Variants in CNTN5 observed in about 807,000 individuals in gnomAD.
CNTN5 encodes the protein contactin-5.
A neutral mutation model predicts 129.1 loss-of-function variants in CNTN5; 77 were observed. That is an observed-to-expected ratio of 0.60 (90% CI 0.50 to 0.72). CNTN5 has a LOEUF of 0.72. Among genes scored for constraint, CNTN5 ranks in the 30% least tolerant of loss-of-function variants. CNTN5 has a pLI of 0.00. For synonymous variants in CNTN5, 509 were observed against 465.6 expected (o/e 1.09, Z -1.20); for missense variants, 1,478 against 1,328.8 (o/e 1.11, Z -1.75).
In CNTN5 at chr11:99,853,170, C is replaced by T. The variant is rs1030594329; in HGVS notation, c.577+7908C>T. Among the ~76,000 whole-genome samples, 5 of 152,080 alleles carry T rather than the reference C, an allele frequency of 3.3e-5. No individual in the cohort carries two copies. In the South Asian group the frequency reaches 6.2e-4, roughly 19 times the overall value. On this transcript the variant is annotated intron_variant, in intron 6 of 24. Coordinates refer to ENST00000524871, the MANE Select transcript of CNTN5 (RefSeq NM_014361.4). ...AGTCAGAACAGAATATGTAGTACCC[C>T]GGAGATCTTGCAGACTTAATTACAC...
At chr11:99,076,191 C>A (rs1232418747) in intron 1 of CNTN5, among the ~76,000 whole-genome samples, 1 of 151,972 alleles carries the variant, frequency 6.6e-6, no homozygotes, top group Admixed American at 6.6e-5. Flanking sequence ...GAAAATTAGC[C>A]TGTCATGGTG....
intron 3 of CNTN5, among the ~76,000 whole-genome samples, chr11:99,759,713 G>A (rs1944517132): frequency 6.6e-6 from 1 of 151,346 alleles, no homozygotes; most frequent in Admixed American, 6.6e-5. Flanking sequence ...GGGAGGGAAA[G>A]AGAGAAGGAG....
Position 99,547,497 on chromosome 11 carries a change from A to C in CNTN5, c.-70-8648A>C, listed in dbSNP as rs1294471314. Reference sequence around the variant, plus strand: ...TATGTAAAAGAGTTTTTAATAAATAATTTCAGGTGTGTATCTGTTTTATTA... The same window carrying C: ...TATGTAAAAGAGTTTTTAATAAATACTTTCAGGTGTGTATCTGTTTTATTA... On this transcript the variant is annotated intron_variant, in intron 2 of 24. Transcript: ENST00000524871. Among the ~76,000 whole-genome samples the C allele has an allele frequency of 3.3e-5, 5 of 152,266 alleles. No homozygotes were observed. In the East Asian group the frequency reaches 7.7e-4, roughly 24 times the overall value.
chr11:100,110,802 C>T (rs1945632053), intron 13 of CNTN5, among the ~76,000 whole-genome samples: 1 of 152,100 alleles, frequency 6.6e-6, no homozygotes. Flanking sequence ...TTTGCCACAA[C>T]AGTGAAATGT....
chr11:99,346,953 C>T (rs1030299897), intron 2 of CNTN5, among the ~76,000 whole-genome samples: 2 of 152,194 alleles, frequency 1.3e-5, no homozygotes, highest in Non-Finnish European at 2.9e-5. Flanking sequence ...AAGCTACCCA[C>T]CCTATGATAT....
intron 1 of CNTN5, among the ~76,000 whole-genome samples, chr11:99,205,738 C>T (rs772018860): frequency 5.3e-5 from 8 of 152,044 alleles, no homozygotes; most frequent in Non-Finnish European, 1.2e-4. Context: ...CTGTAGTAAA[C>T]ATTTGACAAT....
intron 13 of CNTN5, among the ~76,000 whole-genome samples, chr11:100,088,925 T>C (rs1327244636): frequency 6.6e-6 from 1 of 151,806 alleles, no homozygotes; most frequent in Non-Finnish European, 1.5e-5. Flanking sequence ...CTGGCAAAGA[T>C]ACAACAAAAA....
chr11:99,801,635 T>TTA (rs56781189), intron 3 of CNTN5, among the ~76,000 whole-genome samples: 37,156 of 151,990 alleles, frequency 0.24, 5,012 homozygotes, highest in Non-Finnish European at 0.32. Flanking sequence ...AACTCTTTTT[T>TTA]AAATTTATGT....
At chr11:100,185,014 C>T (rs1021656958) in intron 13 of CNTN5, among the ~76,000 whole-genome samples, 10 of 152,194 alleles carry the variant, frequency 6.6e-5, no homozygotes, top group African/African-American at 2.4e-4. Flanking sequence ...GGCGCTCTCT[C>T]TCCTGCCGCC....
chr11:99,761,003 T>A (rs1250090799), intron 3 of CNTN5, among the ~76,000 whole-genome samples: 1 of 152,134 alleles, frequency 6.6e-6, no homozygotes, highest in Non-Finnish European at 1.5e-5. Flanking sequence ...CATTGTCTCA[T>A]AGTTCTTGAA....
At chr11:99,454,208 A>G (rs775179849) in intron 2 of CNTN5, among the ~76,000 whole-genome samples, 1 of 152,316 alleles carries the variant, frequency 6.6e-6, no homozygotes, top group East Asian at 1.9e-4. Flanking sequence ...GAGAAAAACA[A>G]AAGTTGAATA....
chr11:99,288,232 C>T (rs1186688796), intron 1 of CNTN5, among the ~76,000 whole-genome samples: 1 of 150,862 alleles, frequency 6.6e-6, no homozygotes, highest in Non-Finnish European at 1.5e-5. Context: ...TTTTTTTTTA[C>T]AAGATTATAT....
intron 1 of CNTN5, among the ~76,000 whole-genome samples, chr11:99,186,654 C>A (rs1369429491): frequency 6.6e-6 from 1 of 151,920 alleles, no homozygotes; most frequent in African/African-American, 2.4e-5. Context: ...GAAAAAAATG[C>A]TTTTCAGTAC....
At chr11:99,366,278 G>T (rs1352480782) in intron 2 of CNTN5, among the ~76,000 whole-genome samples, 1 of 152,110 alleles carries the variant, frequency 6.6e-6, no homozygotes, top group Non-Finnish European at 1.5e-5. Flanking sequence ...TAACGATTTT[G>T]CTACTGCTCT....
At chr11:99,260,814 G>C (rs1197185175) in intron 1 of CNTN5, among the ~76,000 whole-genome samples, 1 of 151,874 alleles carries the variant, frequency 6.6e-6, no homozygotes, top group African/African-American at 2.4e-5. Flanking sequence ...TGATCTCATG[G>C]TATTATGTTA....
At chr11:99,996,775 GTACATCT>G (rs1384370525) in intron 8 of CNTN5, among the ~76,000 whole-genome samples, 1 of 152,124 alleles carries the variant, frequency 6.6e-6, no homozygotes, top group Admixed American at 6.6e-5. Context: ...GGGAGGCAAG[GTACATCT>G]TACATGGCAG....
intron 13 of CNTN5, among the ~76,000 whole-genome samples, chr11:100,144,282 A>G (rs1180900173): frequency 6.6e-6 from 1 of 152,094 alleles, no homozygotes; most frequent in Non-Finnish European, 1.5e-5. Flanking sequence ...GATTTATTGT[A>G]TAGTGCTGGG....
chr11:100,107,006 T>C (rs1341582798), intron 13 of CNTN5, among the ~76,000 whole-genome samples: 4 of 152,198 alleles, frequency 2.6e-5, no homozygotes, highest in Non-Finnish European at 5.9e-5. Flanking sequence ...ACATATTAAC[T>C]ACAGTCATAC....
At chr11:99,343,378 G>A (rs921303896) in intron 2 of CNTN5, among the ~76,000 whole-genome samples, 2 of 152,128 alleles carry the variant, frequency 1.3e-5, no homozygotes, top group Non-Finnish European at 2.9e-5. Context: ...ATGATAAAAA[G>A]GTTTCTGACT....
Sources: allele counts gnomAD v4.1 joint callset (sites outside exome capture counted in the v4.1 genomes callset), GRCh38; gene constraint gnomAD v4.1.1; transcripts MANE v1.5; gene names NCBI Gene and HGNC (gene_info 2026-07-23, HGNC 2026-07-21).